The following CRYBB3 variants were observed in gnomAD, a reference collection of about 807,000 sequenced individuals.
CRYBB3 encodes beta-crystallin B3.
Under a neutral mutation model 28.3 loss-of-function variants are expected in CRYBB3, and 35 were observed. The observed-to-expected ratio is 1.24, with a 90% CI of 0.95 to 1.64. The LOEUF is 1.64. Among genes scored for constraint, CRYBB3 ranks in the 40% most tolerant of loss-of-function variants. CRYBB3 has a pLI of 0.00. For missense variants in CRYBB3, 296 were observed against 297.4 expected (o/e 1.00, Z 0.04); for synonymous variants, 106 against 110.4 (o/e 0.96, Z 0.25).
In CRYBB3 at chr22:25,207,125, G is replaced by C; in HGVS notation, c.549G>C (p.Glu183Asp). 6.2e-7 allele frequency: 1 copy of C among 1,613,754 alleles called. No individual in the cohort carries two copies. The highest frequency in any genetic ancestry group is 8.5e-7 in the Non-Finnish European group (1 of 1,179,986). ...FERGEYRHWN[E>D]WDASQPQLQS... is the part of the protein sequence containing the mutation. ...GGGGCGAGTACCGCCACTGGAATGAGTGGGACGCCAGCCAGCCGCAGCTGC... is the reference window on the plus strand; with the variant it reads ...GGGGCGAGTACCGCCACTGGAATGACTGGGACGCCAGCCAGCCGCAGCTGC... Residue 183 changes from glutamate (E) to aspartate (D), a missense_variant, in exon 6 of 6, where the codon GAG becomes GAC. By Grantham distance (45) the Glu-to-Asp change is conservative. Coordinates refer to ENST00000215855, the MANE Select transcript of CRYBB3 (RefSeq NM_004076.5).
intron 2 of CRYBB3, among the ~76,000 whole-genome samples, chr22:25,201,742 A>AAC (rs1555887056): frequency 9.0e-6 from 1 of 110,604 alleles, no homozygotes; most frequent in Non-Finnish European, 1.8e-5. Context: ...GGTTTCTGGA[A>AAC]ACGGCTCTGA....
At chr22:25,205,154 C>G in intron 4 of CRYBB3, 66 bp from the exon 5 acceptor site, 1 of 1,606,544 alleles carries the variant, frequency 6.2e-7, no homozygotes, top group Non-Finnish European at 8.5e-7. Flanking sequence ...TTTCCGGCAT[C>G]TGGAGCCTCC....
At position 25,202,657 on chromosome 22, in the gene CRYBB3, G is replaced by T; in HGVS notation, c.76-17G>T. ...GAGCCTAGCAGAGGTGGGATGTTTAGGACTCTGCTCTTCTAGGTGATCTTG... is the reference window on the plus strand; with the variant it reads ...GAGCCTAGCAGAGGTGGGATGTTTATGACTCTGCTCTTCTAGGTGATCTTG... On this transcript the variant is annotated splice_polypyrimidine_tract_variant and intron_variant, in intron 2 of 5. Coordinates refer to ENST00000215855, the MANE Select transcript of CRYBB3 (RefSeq NM_004076.5). 2 of 1,613,452 alleles carry T rather than the reference G, an allele frequency of 1.2e-6. No individual in the cohort carries two copies. The highest frequency in any genetic ancestry group is 2.2e-5 in the South Asian group (2 of 90,994).
Position 25,206,150 on chromosome 22 carries a change from AC to A in CRYBB3, c.470+790del, listed in dbSNP as rs562397015. Among the ~76,000 whole-genome samples, 10 of 152,274 alleles carry A rather than the reference AC, an allele frequency of 6.6e-5. No homozygotes were observed. The South Asian group carries it at 2.1e-3, about 32-fold the overall frequency. On this transcript the variant is annotated intron_variant, in intron 5 of 5. Transcript: ENST00000215855. ...CTGGGGTTGGGCCTTGAGAGGTGCCACCTATCCCTGATAATAATTTATTCAA... is the reference window on the plus strand; with the variant it reads ...CTGGGGTTGGGCCTTGAGAGGTGCCACTATCCCTGATAATAATTTATTCAA...
In CRYBB3 at chr22:25,207,085, A is replaced by G. The variant is rs747168166; in HGVS notation, c.509A>G (p.Gln170Arg). Reference sequence around the variant, plus strand: ...GAGTTCCCCGGCTACCGTGGGCGCCAGTACGTGTTTGAGCGGGGCGAGTAC... The same window carrying G: ...GAGTTCCCCGGCTACCGTGGGCGCCGGTACGTGTTTGAGCGGGGCGAGTAC... ...GYEFPGYRGR[Q>R]YVFERGEYRH... The change falls in exon 6 of 6, where the codon CAG becomes CGG. Residue 170 changes from glutamine to arginine, a missense_variant. Gln to Arg is a conservative substitution (Grantham distance 43). Transcript: ENST00000215855. 2.5e-6 allele frequency: 4 copies of G among 1,613,570 alleles called. No individual in the cohort carries two copies. Among genetic ancestry groups the G allele is most frequent in the Non-Finnish European group, 3.4e-6 (4 of 1,179,828 alleles).
intron 1 of CRYBB3, among the ~76,000 whole-genome samples, 164 bp from the exon 2 acceptor site, chr22:25,201,213 T>C (rs1934941838): frequency 1.3e-5 from 2 of 152,156 alleles, no homozygotes; most frequent in East Asian, 3.9e-4. Context: ...ACGTGGCCCA[T>C]GGCAGGTGCT....
intron 2 of CRYBB3, among the ~76,000 whole-genome samples, chr22:25,202,397 C>G (rs1226370682): frequency 1.3e-5 from 2 of 152,214 alleles, no homozygotes; most frequent in Non-Finnish European, 2.9e-5. Flanking sequence ...CTTCATTTCC[C>G]CACCGACCTC....
Position 25,200,822 on chromosome 22 carries a change from C to T in CRYBB3, c.-20-555C>T, listed in dbSNP as rs556441027. Among the ~76,000 whole-genome samples the T allele has an allele frequency of 3.3e-5, 5 of 152,334 alleles. No homozygotes were observed. In the South Asian group the frequency reaches 1.0e-3, roughly 32 times the overall value. On this transcript the variant is annotated intron_variant, in intron 1 of 5. Transcript: ENST00000215855. ...TTTCTCTAGAGGTCTGTCTGTCCAC[C>T]TCCCGACATATGGGGTCTCCTGTCC... is the stretch of plus-strand genomic sequence containing the variant.
chr22:25,201,444 C>A lies in CRYBB3; in HGVS notation c.48C>A (p.Ser16Arg). 1.2e-6 allele frequency: 2 copies of A among 1,613,222 alleles called. No individual in the cohort carries two copies. The highest frequency in any genetic ancestry group is 1.7e-6 in the Non-Finnish European group (2 of 1,179,504). The stretch of plus-strand genomic sequence containing the variant: ...CCGAACAGGCTGCAGCTGGCAAGAG[C>A]CATGGAGACCTTGGGGGCAGCTACA... The part of the protein sequence containing the change: ...GAPEQAAAGK[S>R]HGDLGGSYKV... Residue 16 changes from serine to arginine, a missense_variant, in exon 2 of 6, where the codon AGC becomes AGA. Coordinates refer to ENST00000215855, the MANE Select transcript of CRYBB3 (RefSeq NM_004076.5).
intron 4 of CRYBB3, among the ~76,000 whole-genome samples, chr22:25,204,395 T>G (rs1176746032): frequency 6.6e-6 from 1 of 152,184 alleles, no homozygotes; most frequent in African/African-American, 2.4e-5. Flanking sequence ...TCTCTCTCTC[T>G]CTTTTTAAAC....
In CRYBB3 at chr22:25,202,713, T is replaced by C. The variant is rs754451468; in HGVS notation, c.115T>C (p.Cys39Arg). 16 of 1,613,998 alleles carry C rather than the reference T, an allele frequency of 9.9e-6. No homozygotes were observed. The highest frequency in any genetic ancestry group is 1.3e-5 in the African/African-American group (1 of 74,926). ...YELENFQGKR[C>R]ELSAECPSLT... ...ACTAGAGAACTTCCAAGGCAAACGC[T>C]GCGAGCTCTCGGCCGAGTGCCCCAG... The change falls in exon 3 of 6, where the codon TGC becomes CGC. Residue 39 changes from cysteine (C) to arginine (R), a missense_variant. By Grantham distance (180) the Cys-to-Arg change is radical (BLOSUM62 -3). Coordinates refer to ENST00000215855, the MANE Select transcript of CRYBB3 (RefSeq NM_004076.5).
At chr22:25,202,937 G>T in intron 3 of CRYBB3, 145 bp downstream of exon 3, 1 of 1,495,248 alleles carries the variant, frequency 6.7e-7, no homozygotes. Flanking sequence ...TGTAAAATGA[G>T]AGTTGAAGAA....
intron 5 of CRYBB3, among the ~76,000 whole-genome samples, chr22:25,206,492 G>A (rs1231590674): frequency 2.6e-5 from 4 of 152,154 alleles, no homozygotes; most frequent in Non-Finnish European, 5.9e-5. Context: ...GTAGTGAGCC[G>A]AGATCACGCC....
chr22:25,205,280 G>A lies in CRYBB3; in HGVS notation c.388G>A (p.Glu130Lys), dbSNP rs774418603. Residue 130 changes from glutamate to lysine, a missense_variant, in exon 5 of 6, where the codon GAG becomes AAG. By Grantham distance (56) the Glu-to-Lys change is moderately conservative. Coordinates refer to ENST00000215855, the MANE Select transcript of CRYBB3 (RefSeq NM_004076.5). ...CCCAGCTTTCAGTGGCCGCAAGATG[G>A]AGATAGTGGATGATGACGTGCCCAG... is the stretch of plus-strand genomic sequence containing the variant. ...ENPAFSGRKM[E>K]IVDDDVPSLW... 16 of 1,613,988 alleles carry A rather than the reference G, an allele frequency of 9.9e-6. No individual in the cohort carries two copies. Among genetic ancestry groups the A allele is most frequent in the Middle Eastern group, 3.3e-4 (2 of 6,084 alleles).
At chr22:25,203,221 T>A (rs1180802516) in intron 3 of CRYBB3, among the ~76,000 whole-genome samples, 2 of 152,100 alleles carry the variant, frequency 1.3e-5, no homozygotes, top group Non-Finnish European at 2.9e-5. Context: ...GGCAGGCAGG[T>A]CTCCCAGCTG....
intron 4 of CRYBB3, 72 bp downstream of exon 4, chr22:25,203,967 A>G: frequency 6.3e-7 from 1 of 1,592,306 alleles, no homozygotes; most frequent in Non-Finnish European, 8.6e-7. Flanking sequence ...CAGGCAGCTC[A>G]TTGCACAAGC....
At position 25,201,241 on chromosome 22, in the gene CRYBB3, A is replaced by G. The variant is rs1310587672; in HGVS notation, c.-20-136A>G. ...CAGGTGCTCAATGGATGTTTGCTGA[A>G]TGACTGAATGTCGATCATAAGTTAC... On this transcript the variant is annotated intron_variant, in intron 1 of 5. Transcript: ENST00000215855. 8.0e-6 allele frequency: 12 copies of G among 1,500,078 alleles called. No individual in the cohort carries two copies. In the East Asian group the frequency reaches 2.3e-4, roughly 29 times the overall value. The allele number at this position is 1,500,078 out of a possible 1,614,324, so 92.9% of individuals were successfully genotyped here.
chr22:25,201,448 G>C lies in CRYBB3; in HGVS notation c.52G>C (p.Gly18Arg), dbSNP rs775674447. 1.9e-6 allele frequency: 3 copies of C among 1,613,280 alleles called. No homozygotes were observed. Among genetic ancestry groups the C allele is most frequent in the Non-Finnish European group, 8.5e-7 (1 of 1,179,526 alleles). Residue 18 changes from glycine (G) to arginine (R), a missense_variant, in exon 2 of 6, where the codon GGA becomes CGA. Physicochemically the swap from Gly to Arg is moderately radical, Grantham distance 125. Coordinates refer to ENST00000215855, the MANE Select transcript of CRYBB3 (RefSeq NM_004076.5). ...ACAGGCTGCAGCTGGCAAGAGCCAT[G>C]GAGACCTTGGGGGCAGCTACAAGGT... is the stretch of plus-strand genomic sequence containing the variant. Reference protein sequence around the residue: ...PEQAAAGKSHGDLGGSYKVIL... With the variant: ...PEQAAAGKSHRDLGGSYKVIL...
At chr22:25,200,343 CG>C (rs938203974) in intron 1 of CRYBB3, among the ~76,000 whole-genome samples, 1 of 151,902 alleles carries the variant, frequency 6.6e-6, no homozygotes, top group African/African-American at 2.4e-5. Flanking sequence ...CTGGGGTGGC[CG>C]TGCTGGGAGC....
Sources: allele counts gnomAD v4.1 joint callset (sites outside exome capture counted in the v4.1 genomes callset), GRCh38; gene constraint gnomAD v4.1.1; transcripts MANE v1.5; gene names NCBI Gene and HGNC (gene_info 2026-07-23, HGNC 2026-07-21).